The following NT5DC1 variants were observed in gnomAD, a reference collection of about 807,000 sequenced individuals.
The protein encoded by NT5DC1 is 5'-nucleotidase domain-containing protein 1.
NT5DC1 carries 42 observed loss-of-function variants against 59.4 expected under a neutral mutation model. The ratio of observed to expected loss-of-function variants is 0.71; its 90% CI spans 0.55 to 0.92. The LOEUF is 0.92. NT5DC1 is among the 40% of genes least tolerant of loss of function. NT5DC1 has a pLI of 0.00. For missense variants in NT5DC1, 501 were observed against 537.1 expected (o/e 0.93, Z 0.66); for synonymous variants, 172 against 188.1 (o/e 0.91, Z 0.70).
intron 6 of NT5DC1, among the ~76,000 whole-genome samples, chr6:116,139,102 A>G (rs1161658767): frequency 1.3e-5 from 2 of 152,162 alleles, no homozygotes; most frequent in Admixed American, 1.3e-4. Context: ...TTATAGCACA[A>G]CTATTAAAAA....
chr6:116,229,589 G>C (rs1488345539), intron 8 of NT5DC1, among the ~76,000 whole-genome samples: 2 of 152,160 alleles, frequency 1.3e-5, no homozygotes, highest in Admixed American at 6.5e-5. Flanking sequence ...TTCATCCTCT[G>C]TTCTCTATCA....
chr6:116,119,277 T>A (rs918783734), intron 6 of NT5DC1: 1 of 152,606 alleles, frequency 6.6e-6, no homozygotes, highest in African/African-American at 2.4e-5. Context: ...CACATAAGAT[T>A]CAATAAGGAA....
chr6:116,148,675 A>G (rs944391382), intron 6 of NT5DC1, among the ~76,000 whole-genome samples: 2 of 152,198 alleles, frequency 1.3e-5, no homozygotes, highest in African/African-American at 2.4e-5. Context: ...TAACAACGTC[A>G]TTAATAATTA....
At chr6:116,162,250 G>A (rs1019662091) in intron 6 of NT5DC1, among the ~76,000 whole-genome samples, 4 of 152,046 alleles carry the variant, frequency 2.6e-5, no homozygotes, top group East Asian at 1.9e-4. Context: ...CCACTTTTCC[G>A]ATTTGGATGC....
intron 6 of NT5DC1, among the ~76,000 whole-genome samples, chr6:116,155,864 A>T (rs904397601): frequency 8.5e-5 from 13 of 152,124 alleles, no homozygotes; most frequent in African/African-American, 2.9e-4. Context: ...ATTTTATGCT[A>T]TCTTTTATAT....
intron 6 of NT5DC1, among the ~76,000 whole-genome samples, chr6:116,166,630 T>C (rs1423234863): frequency 6.6e-6 from 1 of 152,204 alleles, no homozygotes; most frequent in African/African-American, 2.4e-5. Flanking sequence ...CTGACATCCT[T>C]TTCTACATGC....
chr6:116,222,984 A>C (rs1438603973), intron 7 of NT5DC1, 50 bp from the exon 8 acceptor site: 1 of 946,162 alleles, frequency 1.1e-6, no homozygotes, highest in Non-Finnish European at 1.7e-6. Context: ...TTTTATATGG[A>C]CCTTTTCTAA....
At chr6:116,136,099 C>T (rs78710890) in intron 6 of NT5DC1, among the ~76,000 whole-genome samples, 4,435 of 152,082 alleles carry the variant, frequency 0.029, 236 homozygotes, top group African/African-American at 0.1. Context: ...TGACCCTCCA[C>T]TCTGCAGCCC....
chr6:116,237,333 A>G, intron 9 of NT5DC1: 1 of 605,096 alleles, frequency 1.7e-6, no homozygotes, highest in Admixed American at 2.2e-5. Flanking sequence ...AAGTTTCCAT[A>G]TATAAAACAA....
chr6:116,219,666 C>A (rs1394347422), intron 6 of NT5DC1, among the ~76,000 whole-genome samples: 2 of 151,972 alleles, frequency 1.3e-5, no homozygotes, highest in African/African-American at 4.8e-5. Flanking sequence ...CTTAAAGACT[C>A]TTCTTCCTGG....
intron 6 of NT5DC1, among the ~76,000 whole-genome samples, chr6:116,218,509 T>G (rs1043075922): frequency 2.0e-5 from 3 of 152,180 alleles, no homozygotes; most frequent in Non-Finnish European, 2.9e-5. Context: ...AGACACAGCC[T>G]CTGAAATTAG....
chr6:116,144,598 A>G (rs991059256), intron 6 of NT5DC1, among the ~76,000 whole-genome samples: 2 of 152,308 alleles, frequency 1.3e-5, no homozygotes, highest in Admixed American at 6.5e-5. Flanking sequence ...TTAGAATTCA[A>G]ATATTTGGGT....
chr6:116,125,318 A>T, intron 6 of NT5DC1: 1 of 1,611,962 alleles, frequency 6.2e-7, no homozygotes, highest in Middle Eastern at 1.7e-4. Flanking sequence ...TTAATAGAAC[A>T]AAATATACAA....
At chr6:116,127,864 A>G (rs1779361693) in intron 6 of NT5DC1, among the ~76,000 whole-genome samples, 1 of 152,176 alleles carries the variant, frequency 6.6e-6, no homozygotes, top group Admixed American at 6.5e-5. Context: ...GCCCCTGTGT[A>G]TACCATTTGT....
At chr6:116,223,273 T>G (rs1420350096) in intron 8 of NT5DC1, 142 bp downstream of exon 8, 1 of 521,582 alleles carries the variant, frequency 1.9e-6, no homozygotes, top group Non-Finnish European at 3.4e-6. Context: ...TGTATTAAAT[T>G]TTATGCTACC....
At chr6:116,222,821 TCAAAG>T (rs1208772108) in intron 7 of NT5DC1, among the ~76,000 whole-genome samples, 1 of 152,222 alleles carries the variant, frequency 6.6e-6, no homozygotes, top group Admixed American at 6.5e-5. Flanking sequence ...TGTTTATACT[TCAAAG>T]AGTTGTCAGG....
At chr6:116,139,005 A>G (rs2114357795) in intron 6 of NT5DC1, among the ~76,000 whole-genome samples, 1 of 152,276 alleles carries the variant, frequency 6.6e-6, no homozygotes, top group Non-Finnish European at 1.5e-5. Flanking sequence ...TTTCAGATTA[A>G]TTTAGTAAAT....
chr6:116,161,862 A>C (rs1780340481), intron 6 of NT5DC1, among the ~76,000 whole-genome samples: 1 of 152,232 alleles, frequency 6.6e-6, no homozygotes, highest in African/African-American at 2.4e-5. Context: ...GCCCATGAGC[A>C]AGGGATGTTT....
chr6:116,129,974 A>G (rs543042289), intron 6 of NT5DC1, among the ~76,000 whole-genome samples: 1 of 152,252 alleles, frequency 6.6e-6, no homozygotes, highest in East Asian at 1.9e-4. Context: ...AGAACCCTTT[A>G]CAGAGAGTGG....
Sources: gnomAD v4.1 joint callset for allele counts (sites outside exome capture counted in the v4.1 genomes callset) on GRCh38, gnomAD v4.1.1 for gene constraint, MANE v1.5 for transcripts, NCBI Gene and HGNC (gene_info 2026-07-23, HGNC 2026-07-21) for gene names.